The following THSD7B variants were observed in gnomAD, a reference collection of about 807,000 sequenced individuals.
THSD7B encodes the protein thrombospondin type-1 domain-containing protein 7B.
In THSD7B, 138 loss-of-function variants were observed where a neutral mutation model predicts 213.6. That is an observed-to-expected ratio of 0.65 (90% confidence interval 0.56 to 0.74). The LOEUF (loss-of-function observed/expected upper bound fraction) is 0.74, where lower values mean the gene tolerates loss of function less well. THSD7B is among the 30% of genes least tolerant of loss of function. The pLI, the probability that THSD7B is intolerant of heterozygous loss-of-function variation, is 0.00. For missense variants in THSD7B, 1,931 were observed against 1,991.5 expected (o/e 0.97, Z 0.58); for synonymous variants, 742 against 687.0 (o/e 1.08, Z -1.25).
intron 5 of THSD7B, among the ~76,000 whole-genome samples, chr2:137,147,718 T>C (rs1379758404): frequency 6.6e-6 from 1 of 152,110 alleles, no homozygotes; most frequent in African/African-American, 2.4e-5. Context: ...TCTGTCTTGC[T>C]TGATTCACCC....
chr2:137,312,640 A>G (rs971129516), intron 12 of THSD7B, among the ~76,000 whole-genome samples: 1 of 149,726 alleles, frequency 6.7e-6, no homozygotes, highest in Non-Finnish European at 1.5e-5. Context: ...TCTTGTGGGC[A>G]TTTAGTGCTA....
At chr2:137,170,536 C>CA (rs1474736510) in intron 6 of THSD7B, among the ~76,000 whole-genome samples, 1 of 152,116 alleles carries the variant, frequency 6.6e-6, no homozygotes, top group African/African-American at 2.4e-5. Context: ...TCTTGGAAGA[C>CA]AGATTTCCTG....
At chr2:137,017,879 A>G (rs1686371215) in intron 2 of THSD7B, among the ~76,000 whole-genome samples, 1 of 152,136 alleles carries the variant, frequency 6.6e-6, no homozygotes, top group South Asian at 2.1e-4. Context: ...ATTCAAAATT[A>G]ATGCTGTGTT....
At chr2:137,453,228 G>C (rs1404678446) in intron 15 of THSD7B, among the ~76,000 whole-genome samples, 1 of 150,500 alleles carries the variant, frequency 6.6e-6, no homozygotes, top group African/African-American at 2.4e-5. Flanking sequence ...AAAATGATGT[G>C]TAATTTATGA....
At chr2:136,771,743 T>C (rs1005856142) in intron 1 of THSD7B, among the ~76,000 whole-genome samples, 11 of 152,166 alleles carry the variant, frequency 7.2e-5, no homozygotes, top group Non-Finnish European at 1.3e-4. Context: ...TTAGCATCTA[T>C]GTGTGGAGTT....
At position 137,546,438 on chromosome 2, in the gene THSD7B, T is replaced by C. The variant is rs1335159189; in HGVS notation, c.3139-16783T>C. On this transcript the variant is annotated intron_variant, in intron 15 of 27. Coordinates refer to ENST00000409968, the MANE Select transcript of THSD7B (RefSeq NM_001316349.2). ...TATTATATATATTATATATATATTA[T>C]ATATATTATATATATATTATATATA... 8.0e-5 allele frequency among the ~76,000 whole-genome samples: 2 copies of C among 24,878 alleles called. 1 individual carries two copies. The highest frequency in any genetic ancestry group is 1.3e-3 in the Admixed American group (2 of 1,576). The allele number at this position is 24,878 out of a possible 152,430, so 16.3% of individuals were successfully genotyped here.
At chr2:137,453,161 A>G (rs1687685655) in intron 15 of THSD7B, among the ~76,000 whole-genome samples, 1 of 152,054 alleles carries the variant, frequency 6.6e-6, no homozygotes, top group South Asian at 2.1e-4. Context: ...ACCCGAATCC[A>G]TATGTTATAT....
intron 2 of THSD7B, among the ~76,000 whole-genome samples, chr2:136,997,024 T>C (rs1685905301): frequency 6.6e-6 from 1 of 152,224 alleles, no homozygotes; most frequent in South Asian, 2.1e-4. Flanking sequence ...CTACTCTTTA[T>C]CCCTGGAAAT....
At chr2:136,859,732 G>A (rs1165143904) in intron 1 of THSD7B, among the ~76,000 whole-genome samples, 1 of 152,192 alleles carries the variant, frequency 6.6e-6, no homozygotes, top group Non-Finnish European at 1.5e-5. Flanking sequence ...ATCAGAAACA[G>A]CATTACTGTA....
chr2:136,956,830 C>T (rs1264519645), intron 2 of THSD7B, among the ~76,000 whole-genome samples: 3 of 151,968 alleles, frequency 2.0e-5, no homozygotes, highest in Non-Finnish European at 2.9e-5. Flanking sequence ...TAGGCGCAAA[C>T]CACCGTGTCT....
intron 2 of THSD7B, among the ~76,000 whole-genome samples, chr2:137,031,081 T>C (rs774729860): frequency 2.6e-5 from 4 of 152,194 alleles, no homozygotes; most frequent in African/African-American, 4.8e-5. Context: ...CAGTAGCTCA[T>C]GCCTATAATC....
At chr2:137,188,585 C>T (rs376132910) in intron 7 of THSD7B, among the ~76,000 whole-genome samples, 93 of 152,276 alleles carry the variant, frequency 6.1e-4, no homozygotes, top group African/African-American at 2.2e-3. Context: ...CCTCTGAAGA[C>T]CTGCTTAATT....
intron 15 of THSD7B, among the ~76,000 whole-genome samples, chr2:137,453,043 C>T (rs1265961816): frequency 6.6e-6 from 1 of 151,708 alleles, no homozygotes; most frequent in Non-Finnish European, 1.5e-5. Context: ...TCTTGATGCT[C>T]AAAAAAGAAC....
At chr2:136,972,948 T>C (rs1685427254) in intron 2 of THSD7B, among the ~76,000 whole-genome samples, 1 of 152,178 alleles carries the variant, frequency 6.6e-6, no homozygotes, top group South Asian at 2.1e-4. Flanking sequence ...TTCTTCTCTC[T>C]TCTCCTCACT....
intron 5 of THSD7B, among the ~76,000 whole-genome samples, chr2:137,147,638 A>G (rs759682515): frequency 4.6e-5 from 7 of 151,942 alleles, no homozygotes; most frequent in Non-Finnish European, 1.0e-4. Context: ...CCTTGCTATC[A>G]TTATTACAGA....
intron 1 of THSD7B, among the ~76,000 whole-genome samples, chr2:136,780,977 G>A (rs1012948780): frequency 6.6e-6 from 1 of 152,158 alleles, no homozygotes; most frequent in Non-Finnish European, 1.5e-5. Context: ...TGTGAAGAAT[G>A]TGAAGAAGCA....
At chr2:137,282,611 C>A (rs1683054672) in intron 12 of THSD7B, among the ~76,000 whole-genome samples, 1 of 152,156 alleles carries the variant, frequency 6.6e-6, no homozygotes, top group East Asian at 1.9e-4. Flanking sequence ...CCAGTTTCAG[C>A]TTTCTACATA....
chr2:137,066,513 C>A lies in THSD7B; in HGVS notation c.950+9283C>A, dbSNP rs187300335. 1.3e-3 allele frequency among the ~76,000 whole-genome samples: 193 copies of A among 152,138 alleles called. 3 individuals are homozygous for A. The highest frequency in any genetic ancestry group is 3.7e-3 in the African/African-American group (155 of 41,538). ...CTGGCTAGGTTTTTGCTTTCAATAG[C>A]ACATGATCTTGCTTGCATAGTTTGT... On this transcript the variant is annotated intron_variant, in intron 3 of 27. Transcript: ENST00000409968.
chr2:137,364,219 A>C (rs1394970257), intron 12 of THSD7B, among the ~76,000 whole-genome samples: 1 of 152,214 alleles, frequency 6.6e-6, no homozygotes, highest in Non-Finnish European at 1.5e-5. Context: ...AATTCTCAAT[A>C]AACTAGGTAT....
Sources: allele counts gnomAD v4.1 joint callset (sites outside exome capture counted in the v4.1 genomes callset), GRCh38; gene constraint gnomAD v4.1.1; transcripts MANE v1.5; gene names NCBI Gene and HGNC (gene_info 2026-07-23, HGNC 2026-07-21).